LHFPL6: variants seen among roughly 807,000 people sequenced by gnomAD.
LHFPL6 encodes the protein LHFPL tetraspan subfamily member 6, also known as LHFPL tetraspan subfamily member 6 protein.
A neutral mutation model predicts 20.6 loss-of-function variants in LHFPL6; 9 were observed. The ratio of observed to expected loss-of-function variants is 0.44; its 90% confidence interval spans 0.26 to 0.76. LHFPL6 has a LOEUF of 0.76. Among genes scored for constraint, LHFPL6 ranks in the 30% least tolerant of loss-of-function variants. LHFPL6 has a pLI of 0.20. For synonymous variants in LHFPL6, 105 were observed against 98.7 expected (o/e 1.06, Z -0.38); for missense variants, 218 against 253.5 (o/e 0.86, Z 0.95).
intron 2 of LHFPL6, among the ~76,000 whole-genome samples, chr13:39,440,836 C>A (rs551532228): frequency 3.3e-5 from 5 of 152,286 alleles, no homozygotes; most frequent in Non-Finnish European, 4.4e-5. Flanking sequence ...GGGGGCAGAT[C>A]TTTCCTGCCC....
chr13:39,381,438 C>G (rs962245650), intron 2 of LHFPL6, among the ~76,000 whole-genome samples: 3 of 151,986 alleles, frequency 2.0e-5, no homozygotes, highest in African/African-American at 4.8e-5. Flanking sequence ...TAACAATCAC[C>G]CACTTTCTTT....
At chr13:39,580,614 C>T (rs147674418) in intron 2 of LHFPL6, among the ~76,000 whole-genome samples, 204 of 152,248 alleles carry the variant, frequency 1.3e-3, no homozygotes, top group African/African-American at 4.7e-3. Flanking sequence ...TAGAATGTTT[C>T]CTGGCACAGA....
At chr13:39,356,471 C>G (rs1365352603) in intron 3 of LHFPL6, among the ~76,000 whole-genome samples, 1 of 151,982 alleles carries the variant, frequency 6.6e-6, no homozygotes, top group East Asian at 1.9e-4. Flanking sequence ...AAAAGAAAAA[C>G]TAGAAAAAAC....
chr13:39,573,387 A>G (rs1871997290), intron 2 of LHFPL6, among the ~76,000 whole-genome samples: 3 of 152,196 alleles, frequency 2.0e-5, no homozygotes, highest in East Asian at 1.9e-4. Context: ...AACCGTTCAC[A>G]TGGAGTTTGT....
chr13:39,425,691 A>C (rs1871618615), intron 2 of LHFPL6, among the ~76,000 whole-genome samples: 1 of 152,140 alleles, frequency 6.6e-6, no homozygotes, highest in Non-Finnish European at 1.5e-5. Context: ...GAAGTGTCCA[A>C]ATCTTTTTCC....
chr13:39,583,807 A>G (rs1336780464), intron 2 of LHFPL6, among the ~76,000 whole-genome samples: 1 of 152,108 alleles, frequency 6.6e-6, no homozygotes, highest in Non-Finnish European at 1.5e-5. Flanking sequence ...CAAATCCTCA[A>G]TGCAAGTCCT....
At chr13:39,485,231 C>T (rs1868686548) in intron 2 of LHFPL6, among the ~76,000 whole-genome samples, 1 of 152,164 alleles carries the variant, frequency 6.6e-6, no homozygotes, top group African/African-American at 2.4e-5. Context: ...TGGGCTGTAT[C>T]TCATAGCCTG....
chr13:39,459,731 C>G (rs1872648645), intron 2 of LHFPL6, among the ~76,000 whole-genome samples: 1 of 152,164 alleles, frequency 6.6e-6, no homozygotes, highest in South Asian at 2.1e-4. Flanking sequence ...CCTGACAAGA[C>G]AGCCTGAGGG....
At chr13:39,583,953 G>A (rs769932317) in intron 2 of LHFPL6, among the ~76,000 whole-genome samples, 5 of 151,994 alleles carry the variant, frequency 3.3e-5, no homozygotes, top group Non-Finnish European at 2.9e-5. Context: ...TCTCTGAGAG[G>A]CTCCCTCCCC....
intron 2 of LHFPL6, among the ~76,000 whole-genome samples, chr13:39,595,557 T>C (rs1467666512): frequency 6.6e-6 from 1 of 152,228 alleles, no homozygotes; most frequent in Non-Finnish European, 1.5e-5. Flanking sequence ...CCTCCCAAAG[T>C]GCTGGGATTA....
At chr13:39,578,300 G>A (rs761891289) in intron 2 of LHFPL6, among the ~76,000 whole-genome samples, 3 of 152,174 alleles carry the variant, frequency 2.0e-5, no homozygotes, top group African/African-American at 4.8e-5. Flanking sequence ...AGCAACAGCC[G>A]CGGACTACCT....
intron 2 of LHFPL6, among the ~76,000 whole-genome samples, chr13:39,587,785 T>C (rs1000098973): frequency 4.6e-5 from 7 of 151,990 alleles, no homozygotes; most frequent in African/African-American, 1.2e-4. Flanking sequence ...AGGAGTGATA[T>C]TGACAGAAGA....
chr13:39,480,766 A>G (rs1302616497), intron 2 of LHFPL6, among the ~76,000 whole-genome samples: 1 of 152,202 alleles, frequency 6.6e-6, no homozygotes, highest in African/African-American at 2.4e-5. Context: ...CAGACACAAC[A>G]GTGACTGCAG....
rs192852097 is a variant in LHFPL6 at position 39,592,184 on chromosome 13, C to T, written c.385+8648G>A. ...AGCATCAAAACAATAAAAATCTTTC[C>T]CACGTTAAGGCTTAGAAAACAAGCT... is the stretch of plus-strand genomic sequence containing the variant. On this transcript the variant is annotated intron_variant, in intron 2 of 3. Coordinates refer to ENST00000379589, the MANE Select transcript of LHFPL6 (RefSeq NM_005780.3). Among the ~76,000 whole-genome samples, 606 of 151,918 alleles carry T rather than the reference C, an allele frequency of 4.0e-3. 3 individuals carry two copies. The highest frequency in any genetic ancestry group is 6.9e-3 in the Non-Finnish European group (468 of 67,964).
intron 2 of LHFPL6, among the ~76,000 whole-genome samples, chr13:39,440,662 G>A (rs1442479487): frequency 3.3e-5 from 5 of 152,094 alleles, no homozygotes; most frequent in South Asian, 4.1e-4. Context: ...GAGCAGTGGT[G>A]CACTCATGGC....
At chr13:39,358,559 G>T (rs1038864836) in intron 3 of LHFPL6, among the ~76,000 whole-genome samples, 2 of 151,134 alleles carry the variant, frequency 1.3e-5, no homozygotes, top group South Asian at 2.1e-4. Flanking sequence ...TTAAACTAAA[G>T]AGGTTTTGCA....
At chr13:39,406,405 A>T (rs1440946175) in intron 2 of LHFPL6, among the ~76,000 whole-genome samples, 1 of 152,214 alleles carries the variant, frequency 6.6e-6, no homozygotes, top group Admixed American at 6.5e-5. Context: ...GGAATCTTTG[A>T]TCAATGTCTG....
chr13:39,571,508 C>T (rs964923677), intron 2 of LHFPL6, among the ~76,000 whole-genome samples: 1 of 152,214 alleles, frequency 6.6e-6, no homozygotes, highest in Non-Finnish European at 1.5e-5. Flanking sequence ...CTTCTCTTCC[C>T]CTCTCCAGCT....
rs1427056030 is a variant in LHFPL6, at chr13:39,600,959, G to A, written c.258C>T (p.Thr86=). The change falls in exon 2 of 4, where the codon ACC becomes ACT. Residue 86 remains threonine, a synonymous_variant. Coordinates refer to ENST00000379589, the MANE Select transcript of LHFPL6 (RefSeq NM_005780.3). ...GIPSAEWRIC[T]IVTGLGCGLL... Reference sequence around the variant, plus strand: ...GGCCACAACCCAGGCCGGTCACTATGGTGCAGATCCTCCATTCTGCGCTGG... The same window carrying A: ...GGCCACAACCCAGGCCGGTCACTATAGTGCAGATCCTCCATTCTGCGCTGG... 3.1e-6 allele frequency: 5 copies of A among 1,612,156 alleles called. No homozygotes were observed. Among genetic ancestry groups the A allele is most frequent in the Non-Finnish European group, 4.2e-6 (5 of 1,178,812 alleles).
Sources: gnomAD v4.1 joint callset for allele counts (sites outside exome capture counted in the v4.1 genomes callset) on GRCh38, gnomAD v4.1.1 for gene constraint, MANE v1.5 for transcripts, NCBI Gene and HGNC (gene_info 2026-07-23, HGNC 2026-07-21) for gene names.